STPG2: variants seen among roughly 807,000 people sequenced by gnomAD.
STPG2 encodes the protein sperm-tail PG-rich repeat-containing protein 2.
STPG2 carries 56 observed loss-of-function variants against 54.2 expected under a neutral mutation model. That is an observed-to-expected ratio of 1.03 (90% confidence interval 0.83 to 1.29). The LOEUF is 1.29. STPG2 is among the 50% of genes most tolerant of loss of function. The pLI is 0.00. For synonymous variants in STPG2, 200 were observed against 181.8 expected (o/e 1.10, Z -0.81); for missense variants, 596 against 544.9 (o/e 1.09, Z -0.93).
At chr4:97,983,506 C>G (rs973231108) in intron 5 of STPG2, among the ~76,000 whole-genome samples, 6 of 152,138 alleles carry the variant, frequency 3.9e-5, no homozygotes, top group Non-Finnish European at 7.4e-5. Flanking sequence ...CTCATGAATG[C>G]CAATGTTAAC....
chr4:98,019,161 G>A (rs767760809), intron 5 of STPG2, among the ~76,000 whole-genome samples: 3 of 152,070 alleles, frequency 2.0e-5, no homozygotes, highest in African/African-American at 4.8e-5. Flanking sequence ...GGTCTAACAT[G>A]TAAGTCTTTA....
At chr4:97,828,233 G>T (rs1200179842) in intron 9 of STPG2, among the ~76,000 whole-genome samples, 1 of 152,144 alleles carries the variant, frequency 6.6e-6, no homozygotes, top group Non-Finnish European at 1.5e-5. Flanking sequence ...GCAGCCCATG[G>T]ATTGCGAGCC....
intron 5 of STPG2, among the ~76,000 whole-genome samples, chr4:98,095,539 G>C (rs1208541388): frequency 6.6e-6 from 1 of 152,028 alleles, no homozygotes; most frequent in East Asian, 1.9e-4. Context: ...CAGTCAACAT[G>C]GATTCCAAAA....
At chr4:97,656,003 A>C (rs1452758007) in intron 10 of STPG2, among the ~76,000 whole-genome samples, 2 of 152,134 alleles carry the variant, frequency 1.3e-5, no homozygotes, top group African/African-American at 4.8e-5. Flanking sequence ...ATATCTTAAA[A>C]CATATTATGA....
chr4:97,683,247 A>G lies in STPG2; in HGVS notation c.1320+29452T>C, dbSNP rs1723085055. Among the ~76,000 whole-genome samples, 2 of 151,828 alleles carry G rather than the reference A, an allele frequency of 1.3e-5. 1 individual carries two copies. Among genetic ancestry groups the G allele is most frequent in the Admixed American group, 1.3e-4 (2 of 15,238 alleles). On this transcript the variant is annotated intron_variant, in intron 10 of 10. Coordinates refer to ENST00000295268, the MANE Select transcript of STPG2 (RefSeq NM_174952.3). ...CTAAATGATGCATACATAGAATTACATACACAAAAGGAAGCTATTCAACAG... is the reference window on the plus strand; with the variant it reads ...CTAAATGATGCATACATAGAATTACGTACACAAAAGGAAGCTATTCAACAG...
chr4:97,748,122 T>C (rs1014731590), intron 9 of STPG2, among the ~76,000 whole-genome samples: 2 of 151,480 alleles, frequency 1.3e-5, no homozygotes, highest in African/African-American at 4.8e-5. Flanking sequence ...CAGGACATAA[T>C]TCAATCCTCT....
At chr4:97,824,912 C>T (rs949607450) in intron 9 of STPG2, among the ~76,000 whole-genome samples, 2 of 152,100 alleles carry the variant, frequency 1.3e-5, no homozygotes, top group African/African-American at 4.8e-5. Context: ...TCTTCCCCTC[C>T]AAAAACCATG....
chr4:97,957,303 T>C lies in STPG2; in HGVS notation c.934-13296A>G, dbSNP rs113992420. ...AAAATGCTCTGGAAAGTCTCAGCAATAGAATGTAACAAGCAGAAGAAGGAA... is the reference window on the plus strand; with the variant it reads ...AAAATGCTCTGGAAAGTCTCAGCAACAGAATGTAACAAGCAGAAGAAGGAA... On this transcript the variant is annotated intron_variant, in intron 7 of 10. Transcript: ENST00000295268. Among the ~76,000 whole-genome samples, 864 of 151,316 alleles carry C rather than the reference T, an allele frequency of 5.7e-3. 6 individuals are homozygous for C. The highest frequency in any genetic ancestry group is 0.021 in the Middle Eastern group (6 of 290).
intron 10 of STPG2, among the ~76,000 whole-genome samples, chr4:97,564,151 C>T (rs1298494437): frequency 6.6e-6 from 1 of 152,122 alleles, no homozygotes; most frequent in African/African-American, 2.4e-5. Context: ...GGATAGTTAG[C>T]TCTTCTTGTT....
intron 8 of STPG2, chr4:97,916,315 T>C (rs1731873340): frequency 6.6e-6 from 1 of 152,632 alleles, no homozygotes; most frequent in Non-Finnish European, 1.5e-5. Flanking sequence ...TGAGTTTTGA[T>C]CTGGACATGT....
At chr4:97,443,163 A>G (rs1252095375) in intron 4 of STPG2, among the ~76,000 whole-genome samples, 1 of 152,164 alleles carries the variant, frequency 6.6e-6, no homozygotes, top group Admixed American at 6.5e-5. Context: ...GGCAGGTGTA[A>G]TACTGAAGTG....
At chr4:97,449,883 A>G (rs891802172) in intron 4 of STPG2, among the ~76,000 whole-genome samples, 2 of 152,204 alleles carry the variant, frequency 1.3e-5, no homozygotes, top group African/African-American at 4.8e-5. Context: ...GATTTTGCAT[A>G]GATGTCTTCT....
At chr4:97,869,305 TATTA>T (rs1299776029) in intron 8 of STPG2, among the ~76,000 whole-genome samples, 1 of 151,678 alleles carries the variant, frequency 6.6e-6, no homozygotes, top group Non-Finnish European at 1.5e-5. Context: ...CATCTTTATT[TATTA>T]ATGAAAAAAC....
intron 10 of STPG2, among the ~76,000 whole-genome samples, chr4:97,610,284 A>T (rs998976720): frequency 4.6e-5 from 7 of 152,076 alleles, no homozygotes; most frequent in Non-Finnish European, 1.0e-4. Context: ...AATTATGTCA[A>T]TCAAATCTTA....
intron 5 of STPG2, among the ~76,000 whole-genome samples, chr4:98,002,003 A>AT (rs879615657): frequency 2.0e-5 from 3 of 152,102 alleles, no homozygotes; most frequent in Non-Finnish European, 2.9e-5. Flanking sequence ...CTGACAAAAA[A>AT]ATATATATTA....
intron 8 of STPG2, among the ~76,000 whole-genome samples, chr4:97,898,023 T>C (rs1731027404): frequency 1.3e-5 from 2 of 152,158 alleles, no homozygotes; most frequent in African/African-American, 4.8e-5. Flanking sequence ...CTTCAAGGTT[T>C]TTTATAGTCT....
At chr4:97,924,734 AATG>A (rs1732270772) in intron 8 of STPG2, among the ~76,000 whole-genome samples, 1 of 152,246 alleles carries the variant, frequency 6.6e-6, no homozygotes, top group South Asian at 2.1e-4. Context: ...AAGAGGTTTT[AATG>A]ATAATAATAC....
chr4:97,686,999 G>A (rs142507255), intron 10 of STPG2, among the ~76,000 whole-genome samples: 13,162 of 150,854 alleles, frequency 0.087, 1,629 homozygotes, highest in African/African-American at 0.28. Flanking sequence ...GGAGTGCAGT[G>A]GCGCGATCTG....
At chr4:97,997,095 T>A (rs1041530357) in intron 5 of STPG2, among the ~76,000 whole-genome samples, 3 of 152,176 alleles carry the variant, frequency 2.0e-5, no homozygotes, top group Admixed American at 2.0e-4. Flanking sequence ...TGGGTATCTA[T>A]TCAAAGGAAT....
Sources: gnomAD v4.1 joint callset for allele counts (sites outside exome capture counted in the v4.1 genomes callset) on GRCh38, gnomAD v4.1.1 for gene constraint, MANE v1.5 for transcripts, NCBI Gene and HGNC (gene_info 2026-07-23, HGNC 2026-07-21) for gene names.